NPTN: variants seen among roughly 807,000 people sequenced by gnomAD.
The protein encoded by NPTN is neuroplastin, also known as SDR-1.
A neutral mutation model predicts 42.7 loss-of-function variants in NPTN; 5 were observed. The observed-to-expected ratio is 0.12, with a 90% CI of 0.06 to 0.25. NPTN has a LOEUF of 0.25. Among genes scored for constraint, NPTN ranks in the 10% least tolerant of loss-of-function variants. NPTN has a pLI of 1.00. For synonymous variants in NPTN, 180 were observed against 201.9 expected, an observed-to-expected ratio of 0.89 and a Z score of 0.92; for missense variants, 307 against 525.4, an observed-to-expected ratio of 0.58 and a Z score of 4.06.
chr15:73,625,817 C>G (rs1039605388), intron 1 of NPTN, among the ~76,000 whole-genome samples: 1 of 151,998 alleles, frequency 6.6e-6, no homozygotes, highest in African/African-American at 2.4e-5. Flanking sequence ...ATGATGAATA[C>G]ACAGGGGTTT....
At chr15:73,625,874 C>G (rs1015759232) in intron 1 of NPTN, among the ~76,000 whole-genome samples, 26 of 151,680 alleles carry the variant, frequency 1.7e-4, no homozygotes, top group Admixed American at 1.7e-3. Flanking sequence ...TTCTAAAGAT[C>G]TAAAAGAAAA....
intron 6 of NPTN, chr15:73,563,632 T>G: frequency 9.8e-7 from 1 of 1,017,772 alleles, no homozygotes; most frequent in Non-Finnish European, 1.2e-6. Flanking sequence ...AAAATCCTGC[T>G]GTTTGTTTTC....
chr15:73,586,066 T>A (rs571339911), intron 4 of NPTN, among the ~76,000 whole-genome samples: 1 of 152,334 alleles, frequency 6.6e-6, no homozygotes, highest in Non-Finnish European at 1.5e-5. Context: ...TCACTAACGA[T>A]TACAGTTAGT....
intron 1 of NPTN, among the ~76,000 whole-genome samples, chr15:73,617,022 T>C (rs1433832935): frequency 6.6e-6 from 1 of 152,204 alleles, no homozygotes; most frequent in Non-Finnish European, 1.5e-5. Context: ...CATAATTCCC[T>C]TTGGTGACAA....
At chr15:73,622,665 A>G (rs997740647) in intron 1 of NPTN, among the ~76,000 whole-genome samples, 1 of 152,182 alleles carries the variant, frequency 6.6e-6, no homozygotes, top group East Asian at 1.9e-4. Context: ...TGCTACTCTA[A>G]CCTATATTTT....
At chr15:73,576,340 C>CT (rs978153207) in intron 4 of NPTN, among the ~76,000 whole-genome samples, 10 of 151,896 alleles carry the variant, frequency 6.6e-5, no homozygotes, top group African/African-American at 2.2e-4. Context: ...TGTATTTTTT[C>CT]TTTTTTGAGA....
chr15:73,618,054 C>T (rs80338433), intron 1 of NPTN, among the ~76,000 whole-genome samples: 22 of 152,326 alleles, frequency 1.4e-4, no homozygotes, highest in Admixed American at 5.2e-4. Flanking sequence ...CAACGTTTCA[C>T]GTATGCTACT....
intron 1 of NPTN, among the ~76,000 whole-genome samples, chr15:73,628,355 C>T (rs1898538242): frequency 6.6e-6 from 1 of 152,234 alleles, no homozygotes; most frequent in African/African-American, 2.4e-5. Context: ...CTTTCTCTTA[C>T]AACTTCATTC....
rs1427184180 is a variant in NPTN at position 73,597,154 on chromosome 15, T to G, written c.307A>C (p.Ile103Leu). The change falls in exon 2 of 9, where the codon ATA becomes CTA. Residue 103 changes from isoleucine (I) to leucine (L), a missense_variant. Transcript: ENST00000345330. This position sits in a 1 kb window ranked among gnomAD's most constrained non-coding sequence, Gnocchi z 6.3. ...YGSNGVSVLR[I>L]TRLTLEDSGT... ...GAGTCCTCCAAGGTGAGCCGGGTTA[T>G]TCTCAGCACACTCACGCCGTTTGAC... 2.8e-5 allele frequency: 46 copies of G among 1,614,052 alleles called. No homozygotes were observed. The highest frequency in any genetic ancestry group is 3.7e-5 in the Non-Finnish European group (44 of 1,180,030).
intron 1 of NPTN, among the ~76,000 whole-genome samples, chr15:73,614,869 C>G (rs951387678): frequency 1.3e-5 from 2 of 152,128 alleles, no homozygotes; most frequent in African/African-American, 4.8e-5. Flanking sequence ...TTAATACATT[C>G]TAAAAGACTA....
chr15:73,605,880 C>A (rs1298494971), intron 1 of NPTN, among the ~76,000 whole-genome samples: 5 of 151,994 alleles, frequency 3.3e-5, no homozygotes, highest in Admixed American at 6.5e-5. Context: ...AGATTGAAAG[C>A]TCTGCCTGTA....
intron 6 of NPTN, chr15:73,567,197 A>T (rs1895076482): frequency 1.0e-6 from 1 of 985,314 alleles, no homozygotes; most frequent in Non-Finnish European, 1.2e-6. Flanking sequence ...CCAAGAACTC[A>T]CAGACTGCCC....
chr15:73,565,615 A>T (rs548449694), intron 6 of NPTN, among the ~76,000 whole-genome samples: 1 of 152,160 alleles, frequency 6.6e-6, no homozygotes, highest in Non-Finnish European at 1.5e-5. Context: ...AAATATCAAC[A>T]TACCCCAAAC....
chr15:73,619,888 A>G (rs1898050176), intron 1 of NPTN, among the ~76,000 whole-genome samples: 2 of 152,230 alleles, frequency 1.3e-5, no homozygotes, highest in African/African-American at 2.4e-5. Flanking sequence ...CACTAAGCAC[A>G]TGTATCTTGT....
intron 4 of NPTN, among the ~76,000 whole-genome samples, chr15:73,586,125 C>T (rs1896305979): frequency 6.6e-6 from 1 of 152,036 alleles, no homozygotes; most frequent in South Asian, 2.1e-4. Context: ...ACTAGACACC[C>T]CACTCTTTCC....
At chr15:73,602,670 T>C (rs1012059349) in intron 1 of NPTN, among the ~76,000 whole-genome samples, 2 of 152,172 alleles carry the variant, frequency 1.3e-5, no homozygotes, top group Non-Finnish European at 2.9e-5. Context: ...ACTCATTCTG[T>C]GTGTACTGAC....
intron 1 of NPTN, among the ~76,000 whole-genome samples, chr15:73,612,493 C>A (rs974063954): frequency 1.3e-5 from 2 of 151,434 alleles, no homozygotes; most frequent in Admixed American, 1.3e-4. Flanking sequence ...ACTGGCCAGG[C>A]GCAGTGGCTC....
In NPTN at chr15:73,569,626, A is replaced by G; in HGVS notation, c.1114+524T>C. 1.0e-6 allele frequency: 1 copy of G among 985,492 alleles called. No individual in the cohort carries two copies. The highest frequency in any genetic ancestry group is 1.2e-6 in the Non-Finnish European group (1 of 829,934). The allele number at this position is 985,492 out of a possible 1,614,324, so 61.0% of individuals were successfully genotyped here. A position where few individuals can be genotyped will look rare whatever the true frequency, so the allele number is the denominator to read the frequency against. ...AAGGAACCAAAAGCTGGCTTGTTCC[A>G]ATGGCTTTTCTGAGAACAGTCTGAC... is the stretch of plus-strand genomic sequence containing the variant. On this transcript the variant is annotated intron_variant, in intron 6 of 8. Coordinates refer to ENST00000345330, the MANE Select transcript of NPTN (RefSeq NM_012428.4). This position sits in a 1 kb window ranked among gnomAD's most constrained non-coding sequence, Gnocchi z 4.1.
intron 4 of NPTN, among the ~76,000 whole-genome samples, chr15:73,577,397 C>A (rs968602180): frequency 3.3e-5 from 5 of 152,174 alleles, no homozygotes; most frequent in Non-Finnish European, 5.9e-5. Context: ...GAGACTGAAA[C>A]CGTCTTTGCA....
Sources: allele counts gnomAD v4.1 joint callset (sites outside exome capture counted in the v4.1 genomes callset), GRCh38; gene constraint gnomAD v4.1.1; non-coding constraint Gnocchi (gnomAD v3.1); transcripts MANE v1.5; gene names NCBI Gene and HGNC (gene_info 2026-07-23, HGNC 2026-07-21).